The following OR52E5 variants were observed in gnomAD, a reference collection of about 807,000 sequenced individuals.
The protein encoded by OR52E5 is olfactory receptor 52E5.
chr11:5,893,374 G>A (rs775937238), intron 1 of OR52E5, 104 bp downstream of exon 1: 2 of 152,158 alleles, frequency 1.3e-5, no homozygotes, highest in Admixed American at 6.6e-5. Context: ...CAGAGTCTCT[G>A]TAGATAGGGC....
chr11:5,901,874 T>C lies in OR52E5; in HGVS notation c.*114T>C. 1 of 399,156 alleles carries C rather than the reference T, an allele frequency of 2.5e-6. No homozygotes were observed. The highest frequency in any genetic ancestry group is 4.4e-6 in the Non-Finnish European group (1 of 225,506). The allele number at this position is 399,156 out of a possible 1,614,324, so 24.7% of individuals were successfully genotyped here. Reference sequence around the variant, plus strand: ...AACGTCTCATGATTTCAGTACGGTCTGTTGGAAGTTATAGCTCAAAGATTC... The same window carrying C: ...AACGTCTCATGATTTCAGTACGGTCCGTTGGAAGTTATAGCTCAAAGATTC... On this transcript the variant is annotated 3_prime_UTR_variant, in exon 3 of 3. Transcript: ENST00000610445.
intron 2 of OR52E5, among the ~76,000 whole-genome samples, chr11:5,899,666 A>C (rs927737995): frequency 6.6e-6 from 1 of 152,156 alleles, no homozygotes; most frequent in Non-Finnish European, 1.5e-5. Flanking sequence ...CATGGCCCAG[A>C]GCCTACCACA....
rs1847259201 is a variant in OR52E5, at chr11:5,901,805, T to C, written c.*45T>C. ...ACACTGGAAACATTTTTTTTACTAC[T>C]TCTCTTGCATTCCCACATGAGCCAA... On this transcript the variant is annotated 3_prime_UTR_variant, in exon 3 of 3. Transcript: ENST00000610445. 2 of 399,532 alleles carry C rather than the reference T, an allele frequency of 5.0e-6. No individual in the cohort carries two copies. The highest frequency in any genetic ancestry group is 8.8e-6 in the Non-Finnish European group (2 of 226,064). 24.7% of individuals were successfully genotyped at this position (399,532 alleles called of 1,614,324 possible).
rs150026357 is a variant in OR52E5, at chr11:5,895,916, G to C, written c.-146+203G>C. ...ATACAAAAATTAGCCGGGCGTGGTG[G>C]TGGGCACCTGTAATCCTAGCTACTC... is the stretch of plus-strand genomic sequence containing the variant. On this transcript the variant is annotated intron_variant, in intron 2 of 2. Coordinates refer to ENST00000610445, the MANE Select transcript of OR52E5 (RefSeq NM_001005166.5). Among the ~76,000 whole-genome samples the C allele has an allele frequency of 1.4e-4, 22 of 152,176 alleles. No homozygotes were observed. In the East Asian group the frequency reaches 4.1e-3, roughly 28 times the overall value.
chr11:5,894,986 T>C (rs942009009), intron 1 of OR52E5, among the ~76,000 whole-genome samples: 1 of 152,048 alleles, frequency 6.6e-6, no homozygotes, highest in Non-Finnish European at 1.5e-5. Context: ...AAAATACTTA[T>C]GATAATCTGA....
chr11:5,900,863 T>G lies in OR52E5; in HGVS notation c.87T>G (p.Ile29Met), dbSNP rs542538836. ...VPGLEDVHVWIGFPFFAVYLT... is the reference protein window; with the variant it reads ...VPGLEDVHVWMGFPFFAVYLT... Reference sequence around the variant, plus strand: ...GGCTGGAAGATGTGCATGTATGGATTGGCTTCCCCTTCTTTGCAGTGTATC... The same window carrying G: ...GGCTGGAAGATGTGCATGTATGGATGGGCTTCCCCTTCTTTGCAGTGTATC... Residue 29 changes from isoleucine to methionine, a missense_variant, in exon 3 of 3, where the codon ATT becomes ATG. Transcript: ENST00000610445. 2 of 401,210 alleles carry G rather than the reference T, an allele frequency of 5.0e-6. No homozygotes were observed. Among genetic ancestry groups the G allele is most frequent in the Non-Finnish European group, 8.8e-6 (2 of 226,298 alleles). 24.9% of individuals were successfully genotyped at this position (401,210 alleles called of 1,614,324 possible). A position where few individuals can be genotyped will look rare whatever the true frequency, so the allele number is the denominator to read the frequency against.
chr11:5,898,410 T>C (rs1388498120), intron 2 of OR52E5, among the ~76,000 whole-genome samples: 1 of 152,248 alleles, frequency 6.6e-6, no homozygotes, highest in Non-Finnish European at 1.5e-5. Context: ...GTGAATTGTT[T>C]ATTTTGGCTG....
rs17234326 is a variant in OR52E5 at position 5,901,270 on chromosome 11, T to C, written c.494T>C (p.Ile165Thr). ...TTTGTGACTCCATTCACATTTCTCA[T>C]CCTGAGATTGCCTTTCTGTGGTGTC... ...LVFVTPFTFL[I>T]LRLPFCGVRI... The change falls in exon 3 of 3, where the codon ATC becomes ACC. Residue 165 changes from isoleucine (I) to threonine (T), a missense_variant. Transcript: ENST00000610445. 0.14 allele frequency: 54,333 copies of C among 401,654 alleles called. 3,821 individuals carry two copies. The highest frequency in any genetic ancestry group is 0.16 in the East Asian group (4,620 of 28,082). 24.9% of individuals were successfully genotyped at this position (401,654 alleles called of 1,614,324 possible). A position where few individuals can be genotyped will look rare whatever the true frequency, so the allele number is the denominator to read the frequency against.
At position 5,901,720 on chromosome 11, in the gene OR52E5, A is replaced by T; in HGVS notation, c.944A>T (p.Asp315Val). 2.5e-6 allele frequency: 1 copy of T among 400,854 alleles called. No individual in the cohort carries two copies. Among genetic ancestry groups the T allele is most frequent in the Non-Finnish European group, 4.4e-6 (1 of 226,188 alleles). The allele number at this position is 400,854 out of a possible 1,614,324, so 24.8% of individuals were successfully genotyped here. A position where few individuals can be genotyped will look rare whatever the true frequency, so the allele number is the denominator to read the frequency against. ...AACCCTAAAAGCTTTTGGCATTTTG[A>T]CCCCAAGAGGATCTTCCACAACAAT... Reference protein sequence around the residue: ...ILNPKSFWHFDPKRIFHNNSV... With the variant: ...ILNPKSFWHFVPKRIFHNNSV... Residue 315 changes from aspartate to valine, a missense_variant, in exon 3 of 3, where the codon GAC (aspartate) becomes GTC (valine). Coordinates refer to ENST00000610445, the MANE Select transcript of OR52E5 (RefSeq NM_001005166.5).
intron 2 of OR52E5, among the ~76,000 whole-genome samples, chr11:5,896,420 CAAAAAAA>C (rs11333518): frequency 9.6e-6 from 1 of 104,614 alleles, no homozygotes; most frequent in African/African-American, 3.6e-5. Context: ...GACACTGTGT[CAAAAAAA>C]AAAAAAAAAA....
intron 2 of OR52E5, among the ~76,000 whole-genome samples, chr11:5,900,362 T>A (rs1847232541): frequency 8.8e-6 from 1 of 113,796 alleles, no homozygotes; most frequent in South Asian, 3.3e-4. Flanking sequence ...TCAATCTCAG[T>A]CCAGTGACAT....
intron 2 of OR52E5, among the ~76,000 whole-genome samples, chr11:5,898,419 T>C (rs940278302): frequency 2.6e-5 from 4 of 152,232 alleles, no homozygotes; most frequent in Non-Finnish European, 5.9e-5. Flanking sequence ...TTATTTTGGC[T>C]GCACAGAATC....
At chr11:5,894,490 T>C (rs1198902023) in intron 1 of OR52E5, among the ~76,000 whole-genome samples, 2 of 152,034 alleles carry the variant, frequency 1.3e-5, no homozygotes, top group Non-Finnish European at 2.9e-5. Context: ...GCTATGTAGA[T>C]TGTATGTTAA....
At chr11:5,900,345 TTCC>T (rs1847232319) in intron 2 of OR52E5, among the ~76,000 whole-genome samples, 1 of 148,252 alleles carries the variant, frequency 6.7e-6, no homozygotes, top group Admixed American at 6.9e-5. Flanking sequence ...TCTTATCATT[TTCC>T]TCCTCAATCT....
intron 2 of OR52E5, among the ~76,000 whole-genome samples, chr11:5,899,351 TATC>T (rs1433149406): frequency 6.6e-6 from 1 of 152,170 alleles, no homozygotes; most frequent in African/African-American, 2.4e-5. Flanking sequence ...GAAATGATCA[TATC>T]ATAAAGTATC....
intron 2 of OR52E5, among the ~76,000 whole-genome samples, chr11:5,899,241 G>A (rs906209982): frequency 6.6e-6 from 1 of 152,074 alleles, no homozygotes; most frequent in Admixed American, 6.5e-5. Context: ...AAGAATACTG[G>A]TATATAGAAA....
At chr11:5,897,023 C>G (rs183705768) in intron 2 of OR52E5, among the ~76,000 whole-genome samples, 17 of 152,276 alleles carry the variant, frequency 1.1e-4, no homozygotes, top group Non-Finnish European at 2.2e-4. Context: ...AATTCTCTGA[C>G]AGATCGGATG....
intron 1 of OR52E5, among the ~76,000 whole-genome samples, chr11:5,893,986 C>G (rs1345107876): frequency 1.3e-5 from 2 of 152,038 alleles, no homozygotes; most frequent in African/African-American, 4.8e-5. Flanking sequence ...TTTCCCAGAG[C>G]CTTTCTCAAA....
At chr11:5,894,712 T>A (rs1847150046) in intron 1 of OR52E5, among the ~76,000 whole-genome samples, 1 of 152,296 alleles carries the variant, frequency 6.6e-6, no homozygotes, top group Admixed American at 6.5e-5. Context: ...ACTTTTTTCA[T>A]AAGGATATGG....
Sources: allele counts gnomAD v4.1 joint callset (sites outside exome capture counted in the v4.1 genomes callset), GRCh38; gene constraint gnomAD v4.1.1; transcripts MANE v1.5; gene names NCBI Gene and HGNC (gene_info 2026-07-23, HGNC 2026-07-21).